The following MEGF11 variants were observed in gnomAD, a reference collection of about 807,000 sequenced individuals.
MEGF11 encodes multiple EGF like domains 11.
In MEGF11, 126 loss-of-function variants were observed where a neutral mutation model predicts 146.6. The ratio of observed to expected loss-of-function variants is 0.86; its 90% CI spans 0.74 to 1.00. MEGF11 has a LOEUF of 1.00. Ranked by LOEUF, MEGF11 falls within the 50% of genes least tolerant of loss-of-function variation. The pLI is 0.00. For synonymous variants in MEGF11, 532 were observed against 583.4 expected (o/e 0.91, Z 1.27); for missense variants, 1,509 against 1,521.2 (o/e 0.99, Z 0.13).
Position 65,896,823 on chromosome 15 carries a change from T to C in MEGF11, c.*1111A>G, listed in dbSNP as rs571299472. 1.3e-5 allele frequency: 2 copies of C among 152,376 alleles called. No homozygotes were observed. Among genetic ancestry groups the C allele is most frequent in the East Asian group, 3.9e-4 (2 of 5,192 alleles). 9.4% of individuals were successfully genotyped at this position (152,376 alleles called of 1,614,324 possible). Reference sequence around the variant, plus strand: ...TGCTGTTTACAGTAACGTTTTTACATCACGTTACAGCAACTGGTTACAGTC... The same window carrying C: ...TGCTGTTTACAGTAACGTTTTTACACCACGTTACAGCAACTGGTTACAGTC... On this transcript the variant is annotated 3_prime_UTR_variant, in exon 26 of 26. Transcript: ENST00000395614.
At chr15:66,104,179 T>C (rs2140793968) in intron 4 of MEGF11, among the ~76,000 whole-genome samples, 1 of 152,394 alleles carries the variant, frequency 6.6e-6, no homozygotes, top group African/African-American at 2.4e-5. Context: ...ATCTAGAATG[T>C]GCTCCACATG....
rs60825192 is a variant in MEGF11 at position 66,221,099 on chromosome 15, A to C, written c.-9+32506T>G. On this transcript the variant is annotated intron_variant, in intron 1 of 25. Transcript: ENST00000395614. ...TTTTTGCAACTTCTATGTGAGTCTA[A>C]AATGATTTCAAATTTAAAAAAAAAT... is the stretch of plus-strand genomic sequence containing the variant. Among the ~76,000 whole-genome samples, 273 of 152,252 alleles carry C rather than the reference A, an allele frequency of 1.8e-3. 5 individuals are homozygous for C. The East Asian group carries it at 0.043, about 24-fold the overall frequency.
At chr15:66,154,178 T>C (rs1040807554) in intron 1 of MEGF11, among the ~76,000 whole-genome samples, 2 of 152,106 alleles carry the variant, frequency 1.3e-5, no homozygotes, top group Non-Finnish European at 2.9e-5. Context: ...GTGGCTGGAG[T>C]AAATGATAGT....
chr15:66,089,665 A>T (rs1467745894), intron 5 of MEGF11, among the ~76,000 whole-genome samples: 6 of 152,218 alleles, frequency 3.9e-5, no homozygotes, highest in Non-Finnish European at 2.9e-5. Context: ...TAATTTAGGA[A>T]TTGGCTCACG....
intron 9 of MEGF11, among the ~76,000 whole-genome samples, chr15:65,958,513 C>A (rs980653662): frequency 6.6e-6 from 1 of 152,132 alleles, no homozygotes; most frequent in Admixed American, 6.5e-5. Flanking sequence ...GACCTATGGC[C>A]CCAGTGCTGA....
At chr15:65,960,385 CCTCT>C (rs1380852944) in intron 9 of MEGF11, among the ~76,000 whole-genome samples, 1 of 152,224 alleles carries the variant, frequency 6.6e-6, no homozygotes, top group Non-Finnish European at 1.5e-5. Flanking sequence ...GAGAAAAATT[CCTCT>C]CTGAGCCCCA....
rs1235646302 is a variant in MEGF11 at position 65,913,993 on chromosome 15, C to G, written c.2474-20G>C. On this transcript the variant is annotated intron_variant, in intron 19 of 25. Transcript: ENST00000395614. ...GGGCAGCTGCGGGCAGAGGGAGGGC[C>G]TGAGCCTGGGGCTGGCCTTCTTGCG... is the stretch of plus-strand genomic sequence containing the variant. 1 of 1,605,984 alleles carries G rather than the reference C, an allele frequency of 6.2e-7. No homozygotes were observed. The highest frequency in any genetic ancestry group is 1.1e-5 in the South Asian group (1 of 90,876).
intron 3 of MEGF11, among the ~76,000 whole-genome samples, chr15:66,121,079 A>G (rs2088000548): frequency 6.6e-6 from 1 of 152,212 alleles, no homozygotes; most frequent in African/African-American, 2.4e-5. Context: ...GGTCATCAGG[A>G]AAGCTGCAAG....
At chr15:65,942,974 CTTTTTTTTTTTTT>C (rs58874869) in intron 10 of MEGF11, among the ~76,000 whole-genome samples, 15 of 47,620 alleles carry the variant, frequency 3.1e-4, no homozygotes, top group East Asian at 1.7e-3. Flanking sequence ...AACAACTTGG[CTTTTTTTTTTTTT>C]TTTTTTTTTT....
At chr15:66,071,185 G>T (rs2085348595) in intron 5 of MEGF11, among the ~76,000 whole-genome samples, 1 of 149,306 alleles carries the variant, frequency 6.7e-6, no homozygotes, top group Admixed American at 6.6e-5. Context: ...CCGTACACAG[G>T]TATAGGATAA....
chr15:65,996,149 A>G (rs565726117), intron 5 of MEGF11, among the ~76,000 whole-genome samples: 37 of 152,252 alleles, frequency 2.4e-4, no homozygotes, highest in Admixed American at 2.4e-3. Context: ...TTTGGCGTTT[A>G]GTTTTTCCAT....
At chr15:66,220,526 G>GATTT (rs1567288766) in intron 1 of MEGF11, among the ~76,000 whole-genome samples, 1 of 115,128 alleles carries the variant, frequency 8.7e-6, no homozygotes, top group African/African-American at 3.2e-5. Flanking sequence ...GTTTCGTTGG[G>GATTT]TTTTTTTTTT....
intron 1 of MEGF11, among the ~76,000 whole-genome samples, chr15:66,236,693 A>T (rs1037424569): frequency 5.3e-5 from 8 of 152,154 alleles, no homozygotes; most frequent in Non-Finnish European, 1.2e-4. Flanking sequence ...AAGGGTCCCC[A>T]GTGAGCCTCC....
At chr15:65,997,408 G>T (rs1181534808) in intron 5 of MEGF11, among the ~76,000 whole-genome samples, 1 of 152,128 alleles carries the variant, frequency 6.6e-6, no homozygotes, top group African/African-American at 2.4e-5. Flanking sequence ...AAGCACCATG[G>T]TCCTGTCCTG....
rs927171224 is a variant in MEGF11, at chr15:65,935,323, A to G, written c.1288-4380T>C. ...TGACAGAGCGAGACTCCGTCTCAAG[A>G]AAAAAAAAAAAAAAAAAAAAAAAAA... is the stretch of plus-strand genomic sequence containing the variant. On this transcript the variant is annotated intron_variant, in intron 10 of 25. Transcript: ENST00000395614. Among the ~76,000 whole-genome samples the G allele has an allele frequency of 6.4e-4, 11 of 17,312 alleles. No homozygotes were observed. In the East Asian group the frequency reaches 0.025, roughly 39 times the overall value. 11.4% of individuals were successfully genotyped at this position (17,312 alleles called of 152,430 possible). A position where few individuals can be genotyped will look rare whatever the true frequency, so the allele number is the denominator to read the frequency against.
At chr15:66,082,564 T>C (rs1402633391) in intron 5 of MEGF11, among the ~76,000 whole-genome samples, 1 of 139,758 alleles carries the variant, frequency 7.2e-6, no homozygotes, top group Non-Finnish European at 1.5e-5. Context: ...TCCCAGCTAC[T>C]GGGGAAGCTG....
intron 4 of MEGF11, among the ~76,000 whole-genome samples, chr15:66,094,756 CTTT>C (rs1294397417): frequency 6.6e-6 from 1 of 152,186 alleles, no homozygotes; most frequent in Non-Finnish European, 1.5e-5. Context: ...ACTCCGTTGG[CTTT>C]TTGAGAACAT....
intron 1 of MEGF11, among the ~76,000 whole-genome samples, chr15:66,253,403 C>G (rs181202694): frequency 0.02 from 3,068 of 152,282 alleles, 96 homozygotes; most frequent in African/African-American, 0.071. Context: ...CTGCAAGCCC[C>G]GGCATCCACC....
chr15:66,117,126 T>C (rs934061284), intron 4 of MEGF11, among the ~76,000 whole-genome samples: 8 of 152,166 alleles, frequency 5.3e-5, no homozygotes, highest in African/African-American at 1.7e-4. Flanking sequence ...ATCAGAATGG[T>C]GCCTGGCATG....
Sources: allele counts gnomAD v4.1 joint callset (sites outside exome capture counted in the v4.1 genomes callset), GRCh38; gene constraint gnomAD v4.1.1; transcripts MANE v1.5; gene names NCBI Gene and HGNC (gene_info 2026-07-23, HGNC 2026-07-21).